CSMD1: variants seen among roughly 807,000 people sequenced by gnomAD.
The protein encoded by CSMD1 is CUB and Sushi multiple domains 1.
In CSMD1, 213 loss-of-function variants were observed where a neutral mutation model predicts 417.5. That is an observed-to-expected ratio of 0.51 (90% CI 0.46 to 0.57). The LOEUF (loss-of-function observed/expected upper bound fraction) is 0.57. Ranked by LOEUF, CSMD1 falls within the 20% of genes least tolerant of loss-of-function variation. CSMD1 has a pLI of 0.00. For synonymous variants in CSMD1, 2,862 were observed against 1,736.8 expected, an observed-to-expected ratio of 1.65 and a Z score of -16.11; for missense variants, 6,923 against 4,529.7, an observed-to-expected ratio of 1.53 and a Z score of -15.17.
chr8:3,948,647 C>A (rs1811402168), intron 5 of CSMD1, among the ~76,000 whole-genome samples: 2 of 152,128 alleles, frequency 1.3e-5, no homozygotes. Flanking sequence ...TCTAAAAGTA[C>A]AACTTTCCTA....
chr8:4,878,331 G>T (rs967977618), intron 1 of CSMD1, among the ~76,000 whole-genome samples: 32 of 152,096 alleles, frequency 2.1e-4, no homozygotes, highest in African/African-American at 6.8e-4. Context: ...TGCAGAACTC[G>T]GGAAAATGTA....
At chr8:3,257,410 C>T (rs1237516164) in intron 26 of CSMD1, among the ~76,000 whole-genome samples, 8 of 152,188 alleles carry the variant, frequency 5.3e-5, no homozygotes, top group Admixed American at 3.3e-4. Context: ...GGATCTCTTT[C>T]CTTGTGGAGG....
intron 5 of CSMD1, among the ~76,000 whole-genome samples, chr8:3,868,416 G>A (rs965197052): frequency 6.6e-6 from 1 of 152,032 alleles, no homozygotes; most frequent in East Asian, 1.9e-4. Flanking sequence ...TCCACACAAG[G>A]GCAGCTGGGG....
intron 3 of CSMD1, among the ~76,000 whole-genome samples, chr8:4,239,778 G>A (rs562637713): frequency 1.3e-4 from 20 of 152,266 alleles, no homozygotes; most frequent in South Asian, 8.3e-4. Flanking sequence ...TATCTTTCAC[G>A]TTAGTTCCAT....
intron 12 of CSMD1, among the ~76,000 whole-genome samples, chr8:3,441,364 C>T (rs773062763): frequency 5.3e-5 from 8 of 151,922 alleles, no homozygotes; most frequent in Non-Finnish European, 8.8e-5. Context: ...TTTTGTGCAT[C>T]GACTGATATA....
intron 49 of CSMD1, among the ~76,000 whole-genome samples, chr8:3,082,780 T>C (rs1166146288): frequency 6.6e-6 from 1 of 152,168 alleles, no homozygotes; most frequent in Non-Finnish European, 1.5e-5. Flanking sequence ...AGATACCCTC[T>C]CCATAAACAT....
At chr8:3,614,762 G>C (rs1248719802) in intron 8 of CSMD1, among the ~76,000 whole-genome samples, 1 of 152,174 alleles carries the variant, frequency 6.6e-6, no homozygotes, top group Non-Finnish European at 1.5e-5. Flanking sequence ...GAGTTTCTTT[G>C]TGCCACGCAC....
In CSMD1 at chr8:3,108,238, G is replaced by A. The variant is rs185129837; in HGVS notation, c.6754+365C>T. Reference sequence around the variant, plus strand: ...ACATATCGTTTAGAGTGCATTCCCAGGATTATTGGAGGTTTGCTTTCACAC... The same window carrying A: ...ACATATCGTTTAGAGTGCATTCCCAAGATTATTGGAGGTTTGCTTTCACAC... On this transcript the variant is annotated intron_variant, in intron 44 of 69. Coordinates refer to ENST00000635120, the MANE Select transcript of CSMD1 (RefSeq NM_033225.6). Among the ~76,000 whole-genome samples the A allele has an allele frequency of 2.9e-4, 44 of 152,206 alleles. 1 individual carries two copies. The East Asian group carries it at 8.5e-3, about 29-fold the overall frequency.
chr8:4,478,382 CA>C (rs1800913476), intron 2 of CSMD1, among the ~76,000 whole-genome samples: 1 of 152,084 alleles, frequency 6.6e-6, no homozygotes, highest in African/African-American at 2.4e-5. Flanking sequence ...TTGAAACACA[CA>C]AGTCCAAAGT....
chr8:4,401,906 G>C (rs920581356), intron 3 of CSMD1, among the ~76,000 whole-genome samples: 1 of 151,986 alleles, frequency 6.6e-6, no homozygotes, highest in South Asian at 2.1e-4. Flanking sequence ...CTCACATGTA[G>C]ATCCTCTTAT....
At chr8:3,944,249 G>A (rs1811079519) in intron 5 of CSMD1, among the ~76,000 whole-genome samples, 1 of 152,220 alleles carries the variant, frequency 6.6e-6, no homozygotes, top group African/African-American at 2.4e-5. Context: ...TTTAAAAGGT[G>A]TCTCCTTCAA....
intron 6 of CSMD1, among the ~76,000 whole-genome samples, chr8:3,725,855 A>T (rs2129045990): frequency 6.6e-6 from 1 of 152,308 alleles, no homozygotes; most frequent in African/African-American, 2.4e-5. Flanking sequence ...TGCAGTGGAT[A>T]AAAATACATC....
chr8:3,367,364 G>C (rs1563316851), intron 19 of CSMD1, 117 bp from the exon 20 acceptor site: 2 of 663,322 alleles, frequency 3.0e-6, no homozygotes, highest in East Asian at 2.7e-5. Context: ...GAGATGGAGA[G>C]GAAGAGAAAA....
intron 7 of CSMD1, chr8:3,700,741 G>A (rs909071153): frequency 6.6e-6 from 1 of 152,238 alleles, no homozygotes; most frequent in African/African-American, 2.4e-5. Context: ...GGTGTTGAGT[G>A]TCCAATGTCC....
chr8:3,614,845 G>C (rs943000116), intron 8 of CSMD1, among the ~76,000 whole-genome samples: 3 of 152,142 alleles, frequency 2.0e-5, no homozygotes, highest in Admixed American at 1.3e-4. Flanking sequence ...TGAGAAAACA[G>C]ATGTGTGAGC....
chr8:4,670,168 A>C (rs1679675769), intron 1 of CSMD1, among the ~76,000 whole-genome samples: 1 of 152,114 alleles, frequency 6.6e-6, no homozygotes, highest in African/African-American at 2.4e-5. Flanking sequence ...ACTCACATTA[A>C]TTTTTGCAAA....
At chr8:4,568,439 T>A (rs768113792) in intron 2 of CSMD1, among the ~76,000 whole-genome samples, 2 of 152,158 alleles carry the variant, frequency 1.3e-5, no homozygotes, top group East Asian at 1.9e-4. Context: ...TCCTTGCAAA[T>A]GACATGAACT....
intron 3 of CSMD1, among the ~76,000 whole-genome samples, chr8:4,254,146 T>C (rs561658588): frequency 6.6e-6 from 1 of 152,106 alleles, no homozygotes; most frequent in South Asian, 2.1e-4. Context: ...CTCCATCTCC[T>C]GACCTGGTGA....
At chr8:3,680,234 C>T (rs1353371154) in intron 7 of CSMD1, among the ~76,000 whole-genome samples, 15 of 151,950 alleles carry the variant, frequency 9.9e-5, no homozygotes, top group Non-Finnish European at 1.9e-4. Context: ...TTCAAAAAAT[C>T]GATGAATCCA....
Sources: allele counts gnomAD v4.1 joint callset (sites outside exome capture counted in the v4.1 genomes callset), GRCh38; gene constraint gnomAD v4.1.1; transcripts MANE v1.5; gene names NCBI Gene and HGNC (gene_info 2026-07-23, HGNC 2026-07-21).